The following GPC3 variants were observed in gnomAD, a reference collection of about 807,000 sequenced individuals.
GPC3 encodes the protein glypican 3.
Under a neutral mutation model 34.4 loss-of-function variants are expected in GPC3, and 3 were observed. The observed-to-expected ratio is 0.09, with a 90% confidence interval of 0.04 to 0.23. GPC3 has a LOEUF of 0.23. Among genes scored for constraint, GPC3 ranks in the 10% least tolerant of loss-of-function variants. GPC3 has a pLI of 1.00. For synonymous variants in GPC3, 177 were observed against 174.0 expected (o/e 1.02, Z -0.13); for missense variants, 351 against 445.6 (o/e 0.79, Z 1.91).
chrX:133,678,837 G>A (rs2070910478), intron 5 of GPC3, among the ~76,000 whole-genome samples: 1 of 111,985 alleles, frequency 8.9e-6, no homozygotes, highest in South Asian at 3.7e-4. Context: ...AATTTGAGGA[G>A]GATGGTCTTT....
intron 4 of GPC3, among the ~76,000 whole-genome samples, chrX:133,693,338 G>A (rs1187948279): frequency 9.0e-6 from 1 of 110,890 alleles, no homozygotes; most frequent in East Asian, 2.8e-4. Flanking sequence ...GATACACAAA[G>A]TAATATGCCT....
chrX:133,695,255 T>G (rs931389120), intron 4 of GPC3, among the ~76,000 whole-genome samples: 4 of 112,009 alleles, frequency 3.6e-5, no homozygotes, highest in African/African-American at 1.3e-4. Flanking sequence ...ATGATTCAAT[T>G]ATCTCCACCT....
chrX:133,732,536 G>T (rs2071471910), intron 3 of GPC3, among the ~76,000 whole-genome samples: 1 of 111,072 alleles, frequency 9.0e-6, no homozygotes, highest in Non-Finnish European at 1.9e-5. Flanking sequence ...GCAAAGGTGA[G>T]GTAAAAAAAT....
intron 2 of GPC3, among the ~76,000 whole-genome samples, chrX:133,791,217 T>C (rs2072156240): frequency 9.0e-6 from 1 of 111,332 alleles, no homozygotes; most frequent in Non-Finnish European, 1.9e-5. Context: ...GGGCAGTGGT[T>C]GAGGGGATAG....
chrX:133,699,294 T>C (rs1167398575), intron 4 of GPC3, among the ~76,000 whole-genome samples: 2 of 111,791 alleles, frequency 1.8e-5, no homozygotes, highest in South Asian at 3.8e-4. Context: ...TAGAATTGTA[T>C]TGGGCTTTTG....
rs1301132626 is a variant in GPC3, at chrX:133,917,951, CAA to C, written c.337+35097_337+35098del. 2.7e-5 allele frequency among the ~76,000 whole-genome samples: 3 copies of C among 111,987 alleles called. 1 individual carries two copies. Among genetic ancestry groups the C allele is most frequent in the Middle Eastern group, 9.3e-3 (2 of 214 alleles). The stretch of plus-strand genomic sequence containing the variant: ...AAGCCCACCCTCTGGCATACTTAAG[CAA>C]AGTTTTCTTTCTGTCCACACACTAC... On this transcript the variant is annotated intron_variant, in intron 2 of 7. Transcript: ENST00000370818.
intron 5 of GPC3, among the ~76,000 whole-genome samples, chrX:133,688,105 T>C (rs926918721): frequency 8.9e-6 from 1 of 112,574 alleles, no homozygotes; most frequent in African/African-American, 3.2e-5. Context: ...TGGGTTCCTT[T>C]ATCTTTCTCT....
At chrX:133,675,524 C>T (rs1031552140) in intron 5 of GPC3, among the ~76,000 whole-genome samples, 1 of 111,592 alleles carries the variant, frequency 9.0e-6, no homozygotes, top group African/African-American at 3.3e-5. Context: ...ACTCCCTTAC[C>T]CAGTACCTGG....
chrX:133,784,070 C>T (rs1419459965), intron 2 of GPC3, among the ~76,000 whole-genome samples: 1 of 111,514 alleles, frequency 9.0e-6, no homozygotes, highest in African/African-American at 3.3e-5. Flanking sequence ...TAAAGAAACA[C>T]ATAATGAACA....
At chrX:133,749,494 A>T (rs2071641322) in intron 3 of GPC3, among the ~76,000 whole-genome samples, 1 of 110,931 alleles carries the variant, frequency 9.0e-6, no homozygotes, top group African/African-American at 3.3e-5. Flanking sequence ...AGTATTGAGA[A>T]CTATGCTAGA....
intron 7 of GPC3, among the ~76,000 whole-genome samples, chrX:133,591,362 A>T (rs2069845980): frequency 9.0e-6 from 1 of 111,646 alleles, no homozygotes; most frequent in Non-Finnish European, 1.9e-5. Context: ...AGCTGACCAA[A>T]GCATATAGCC....
At chrX:133,943,971 G>T (rs1034788428) in intron 2 of GPC3, among the ~76,000 whole-genome samples, 1 of 111,754 alleles carries the variant, frequency 8.9e-6, no homozygotes, top group African/African-American at 3.3e-5. Context: ...AAATGCTGCA[G>T]GCAACAGGAT....
intron 6 of GPC3, among the ~76,000 whole-genome samples, chrX:133,616,632 C>T (rs1407219241): frequency 2.7e-5 from 3 of 110,079 alleles, no homozygotes; most frequent in Non-Finnish European, 3.8e-5. Flanking sequence ...ATGTACTGTA[C>T]TTAGTTCAGG....
chrX:133,766,385 T>C (rs1242191766), intron 2 of GPC3, among the ~76,000 whole-genome samples: 2 of 111,960 alleles, frequency 1.8e-5, no homozygotes, highest in African/African-American at 6.5e-5. Context: ...TAGCCAGCTA[T>C]AGCCAGCTGT....
At chrX:133,802,537 A>G (rs192491448) in intron 2 of GPC3, among the ~76,000 whole-genome samples, 1 of 112,013 alleles carries the variant, frequency 8.9e-6, no homozygotes, top group Non-Finnish European at 1.9e-5. Flanking sequence ...CCATATACAT[A>G]TATTCTCTTG....
intron 3 of GPC3, among the ~76,000 whole-genome samples, chrX:133,744,927 C>T (rs2071598375): frequency 9.0e-6 from 1 of 110,771 alleles, no homozygotes; most frequent in Non-Finnish European, 1.9e-5. Flanking sequence ...AAACCAAACA[C>T]CATATGTTCT....
At chrX:133,799,921 C>T (rs574318021) in intron 2 of GPC3, among the ~76,000 whole-genome samples, 2 of 112,156 alleles carry the variant, frequency 1.8e-5, no homozygotes, top group African/African-American at 6.5e-5. Context: ...ATAAGCTCTA[C>T]AGCTTTCCAG....
Position 133,802,035 on chromosome X carries a change from C to T in GPC3, c.338-47859G>A, listed in dbSNP as rs747690525. Among the ~76,000 whole-genome samples the T allele has an allele frequency of 5.6e-4, 63 of 112,169 alleles. 1 individual carries two copies. The highest frequency in any genetic ancestry group is 1.9e-3 in the African/African-American group (60 of 30,919). ...TCATTTCTGTTCGCCATTCCCAAGA[C>T]ACTTAATTATAAACTCTAACAGTCT... is the stretch of plus-strand genomic sequence containing the variant. On this transcript the variant is annotated intron_variant, in intron 2 of 7. Transcript: ENST00000370818.
chrX:133,975,715 T>C (rs1337687772), intron 1 of GPC3, among the ~76,000 whole-genome samples: 1 of 112,390 alleles, frequency 8.9e-6, no homozygotes, highest in Non-Finnish European at 1.9e-5. Flanking sequence ...GCTCAGTACC[T>C]GGCATAGTAT....
Sources: allele counts gnomAD v4.1 joint callset (sites outside exome capture counted in the v4.1 genomes callset), GRCh38; gene constraint gnomAD v4.1.1; transcripts MANE v1.5; gene names NCBI Gene and HGNC (gene_info 2026-07-23, HGNC 2026-07-21).